The following TMEM87A variants were observed in gnomAD, a reference collection of about 807,000 sequenced individuals.
TMEM87A encodes the protein transmembrane protein 87A, also known as Golgi-pH regulating cation channel.
In TMEM87A, 50 loss-of-function variants were observed where a neutral mutation model predicts 90.0. That is an observed-to-expected ratio of 0.56 (90% CI 0.44 to 0.70). The LOEUF is 0.70. TMEM87A is among the 30% of genes least tolerant of loss of function. The pLI, the probability that TMEM87A is intolerant of heterozygous loss-of-function variation, is 0.00. For missense variants in TMEM87A, 577 were observed against 660.5 expected (o/e 0.87, Z 1.39); for synonymous variants, 226 against 226.7 (o/e 1.00, Z 0.03).
At chr15:42,251,484 T>C (rs184354437) in intron 6 of TMEM87A, among the ~76,000 whole-genome samples, 2 of 152,354 alleles carry the variant, frequency 1.3e-5, no homozygotes, top group Admixed American at 1.3e-4. Context: ...TTAGTTTTCC[T>C]TCTAAGAGTC....
intron 2 of TMEM87A, among the ~76,000 whole-genome samples, chr15:42,270,144 C>T (rs1179295859): frequency 6.6e-6 from 1 of 152,014 alleles, no homozygotes; most frequent in Non-Finnish European, 1.5e-5. Flanking sequence ...CCAAGGCAGG[C>T]AGATAACTTG....
chr15:42,234,626 C>T (rs764702867), intron 10 of TMEM87A, among the ~76,000 whole-genome samples: 40 of 152,214 alleles, frequency 2.6e-4, no homozygotes, highest in Non-Finnish European at 5.9e-5. Flanking sequence ...ACTTAAAGCA[C>T]TATAAAGTGA....
intron 2 of TMEM87A, among the ~76,000 whole-genome samples, 181 bp downstream of exon 2, chr15:42,271,882 A>G (rs1240759231): frequency 6.6e-6 from 1 of 151,748 alleles, no homozygotes; most frequent in East Asian, 1.9e-4. Flanking sequence ...AGAGAAGAAA[A>G]TAAAGTTCAC....
intron 19 of TMEM87A, among the ~76,000 whole-genome samples, chr15:42,213,453 T>C (rs1398978582): frequency 6.6e-6 from 1 of 152,248 alleles, no homozygotes; most frequent in African/African-American, 2.4e-5. Context: ...GTTCCAACTT[T>C]GTAAGAGGTT....
rs770948630 is a variant in TMEM87A, at chr15:42,217,846, A to G, written c.1596-13T>C. ...GGCTGGAAGTGCTCTGCAAAGAGAG[A>G]GAAATACTAAATTGAACAATGTAAA... On this transcript the variant is annotated splice_polypyrimidine_tract_variant and intron_variant, in intron 18 of 19. Transcript: ENST00000389834. The G allele has an allele frequency of 6.2e-7, 1 of 1,611,770 alleles. No homozygotes were observed. Among genetic ancestry groups the G allele is most frequent in the Non-Finnish European group, 8.5e-7 (1 of 1,179,326 alleles).
At chr15:42,216,633 G>T (rs752846374) in intron 19 of TMEM87A, among the ~76,000 whole-genome samples, 1 of 152,172 alleles carries the variant, frequency 6.6e-6, no homozygotes, top group Non-Finnish European at 1.5e-5. Context: ...GGAGATGTGG[G>T]AACAGCAGAA....
chr15:42,248,713 A>T (rs906785599), intron 6 of TMEM87A, among the ~76,000 whole-genome samples: 1 of 152,072 alleles, frequency 6.6e-6, no homozygotes, highest in African/African-American at 2.4e-5. Context: ...TTTCGCATCG[A>T]TGTTCATCGG....
intron 11 of TMEM87A, among the ~76,000 whole-genome samples, chr15:42,232,283 A>G (rs1310331832): frequency 6.6e-6 from 1 of 152,096 alleles, no homozygotes; most frequent in Non-Finnish European, 1.5e-5. Flanking sequence ...GTGTAATGGC[A>G]TGATCATGGC....
In TMEM87A at chr15:42,260,998, T is replaced by G. The variant is rs762448864; in HGVS notation, c.464A>C (p.Lys155Thr). Residue 155 changes from lysine (K) to threonine (T), a missense_variant, in exon 6 of 20, where the codon AAG (lysine) becomes ACG (threonine). By Grantham distance (78) the Lys-to-Thr change is moderately conservative (BLOSUM62 -1). Coordinates refer to ENST00000389834, the MANE Select transcript of TMEM87A (RefSeq NM_015497.5). The part of the protein sequence containing the change: ...LPLLGEKQEA[K>T]ENGTNLTFIG... The stretch of plus-strand genomic sequence containing the variant: ...AAAGGTAAGGTTTGTTCCATTCTCC[T>G]TAGCCTTTAAACATTAAAAAAATAA... The G allele has an allele frequency of 4.5e-6, 7 of 1,569,284 alleles. No homozygotes were observed. The African/African-American group carries it at 7.7e-5, about 17-fold the overall frequency.
At position 42,256,175 on chromosome 15, in the gene TMEM87A, T is replaced by C. The variant is rs1471056175; in HGVS notation, c.504+4783A>G. On this transcript the variant is annotated intron_variant, in intron 6 of 19. Coordinates refer to ENST00000389834, the MANE Select transcript of TMEM87A (RefSeq NM_015497.5). ...TTGCTTTTTGAGACAGAGTCTCATTTTGTCACCCAGGCTGGAGTGCAGTGG... is the reference window on the plus strand; with the variant it reads ...TTGCTTTTTGAGACAGAGTCTCATTCTGTCACCCAGGCTGGAGTGCAGTGG... 3.3e-5 allele frequency among the ~76,000 whole-genome samples: 5 copies of C among 151,928 alleles called. No individual in the cohort carries two copies. The East Asian group carries it at 9.7e-4, about 30-fold the overall frequency.
intron 12 of TMEM87A, among the ~76,000 whole-genome samples, chr15:42,229,843 T>C (rs2050657558): frequency 6.6e-6 from 1 of 152,222 alleles, no homozygotes; most frequent in Non-Finnish European, 1.5e-5. Context: ...CTTTTCTTTT[T>C]GAGACAGGGT....
intron 11 of TMEM87A, among the ~76,000 whole-genome samples, chr15:42,232,567 G>A (rs1368162814): frequency 6.6e-6 from 1 of 151,766 alleles, no homozygotes; most frequent in African/African-American, 2.4e-5. Context: ...TCCGCCTCCC[G>A]AGTTCACACC....
chr15:42,273,464 G>A, upstream of TMEM87A: 3 of 1,601,750 alleles, frequency 1.9e-6, no homozygotes, highest in East Asian at 2.2e-5. Flanking sequence ...GCCTTCTTCC[G>A]GCTCTGCTCT....
intron 7 of TMEM87A, among the ~76,000 whole-genome samples, chr15:42,242,840 G>A (rs2050897074): frequency 6.6e-6 from 1 of 152,040 alleles, no homozygotes; most frequent in South Asian, 2.1e-4. Flanking sequence ...TTAACCAAAT[G>A]AAGAATATTT....
Position 42,217,778 on chromosome 15 carries a change from T to C in TMEM87A, c.1626+25A>G, listed in dbSNP as rs765319371. ...TCTATTTAGTCACCATATACATAATTTATGCACGTGAATTGAGTACCAACC... is the reference window on the plus strand; with the variant it reads ...TCTATTTAGTCACCATATACATAATCTATGCACGTGAATTGAGTACCAACC... On this transcript the variant is annotated intron_variant, in intron 19 of 19. Coordinates refer to ENST00000389834, the MANE Select transcript of TMEM87A (RefSeq NM_015497.5). The C allele has an allele frequency of 2.5e-6, 4 of 1,610,156 alleles. No individual in the cohort carries two copies. The South Asian group carries it at 4.4e-5, about 18-fold the overall frequency.
In TMEM87A at chr15:42,227,057, G is replaced by A; in HGVS notation, c.1300-148C>T. On this transcript the variant is annotated intron_variant, in intron 14 of 19. Coordinates refer to ENST00000389834, the MANE Select transcript of TMEM87A (RefSeq NM_015497.5). ...CTACGTGCTCAGTACTGTGGTAAGT[G>A]TGGGGAAACAAAGTGAATGAATGTA... 4.4e-6 allele frequency: 3 copies of A among 687,630 alleles called. No homozygotes were observed. The East Asian group carries it at 8.3e-5, about 19-fold the overall frequency. The allele number at this position is 687,630 out of a possible 1,614,324, so 42.6% of individuals were successfully genotyped here. A position where few individuals can be genotyped will look rare whatever the true frequency, so the allele number is the denominator to read the frequency against.
chr15:42,241,043 T>C (rs892164210), intron 7 of TMEM87A, among the ~76,000 whole-genome samples: 1 of 152,246 alleles, frequency 6.6e-6, no homozygotes, highest in Non-Finnish European at 1.5e-5. Flanking sequence ...CTCATTTACA[T>C]ATTGTCTACA....
intron 15 of TMEM87A, among the ~76,000 whole-genome samples, chr15:42,222,506 G>A (rs2050510799): frequency 6.6e-6 from 1 of 152,126 alleles, no homozygotes; most frequent in Non-Finnish European, 1.5e-5. Flanking sequence ...CAGAACAGAA[G>A]AGAGTAGAGA....
intron 6 of TMEM87A, chr15:42,258,603 T>A: frequency 1.7e-6 from 1 of 582,306 alleles, no homozygotes; most frequent in Middle Eastern, 8.0e-4. Context: ...ATTTTTGTAT[T>A]TTTAGTAAAG....
Sources: gnomAD v4.1 joint callset for allele counts (sites outside exome capture counted in the v4.1 genomes callset) on GRCh38, gnomAD v4.1.1 for gene constraint, MANE v1.5 for transcripts, NCBI Gene and HGNC (gene_info 2026-07-23, HGNC 2026-07-21) for gene names.